The following RTTN variants were observed in gnomAD, a reference collection of about 807,000 sequenced individuals.
RTTN encodes the protein rotatin.
RTTN carries 182 observed loss-of-function variants against 269.2 expected under a neutral mutation model. The observed-to-expected ratio is 0.68, with a 90% CI of 0.60 to 0.76. RTTN has a LOEUF of 0.76. Ranked by LOEUF, RTTN falls within the 30% of genes least tolerant of loss-of-function variation. The probability of loss-of-function intolerance (pLI) is 0.00; values close to 1 mark genes in which losing one functional copy is unlikely to be tolerated. For synonymous variants in RTTN, 1,006 were observed against 963.5 expected, an observed-to-expected ratio of 1.04 and a Z score of -0.82; for missense variants, 2,545 against 2,608.6, an observed-to-expected ratio of 0.98 and a Z score of 0.53.
chr18:70,096,258 G>C (rs559123681), intron 28 of RTTN, among the ~76,000 whole-genome samples: 11 of 152,168 alleles, frequency 7.2e-5, no homozygotes, highest in African/African-American at 1.4e-4. Flanking sequence ...CCTTTAGCTT[G>C]GAGGAGTTTG....
At chr18:70,133,421 C>T (rs2060046131) in intron 23 of RTTN, among the ~76,000 whole-genome samples, 1 of 152,098 alleles carries the variant, frequency 6.6e-6, no homozygotes, top group Non-Finnish European at 1.5e-5. Context: ...CCAACAATGA[C>T]ACGTGTTCAA....
intron 7 of RTTN, among the ~76,000 whole-genome samples, chr18:70,194,961 T>C (rs1489086089): frequency 6.6e-6 from 1 of 152,194 alleles, no homozygotes; most frequent in Non-Finnish European, 1.5e-5. Context: ...TTATACCTAT[T>C]TTACCCCAAT....
chr18:70,169,132 A>AT, intron 11 of RTTN, 65 bp from the exon 12 acceptor site: 1 of 1,146,888 alleles, frequency 8.7e-7, no homozygotes, highest in Non-Finnish European at 1.2e-6. Flanking sequence ...TTAGAGAAAC[A>AT]TAGTGGGCTA....
intron 43 of RTTN, among the ~76,000 whole-genome samples, chr18:70,025,790 C>T (rs1341676092): frequency 6.6e-6 from 1 of 152,206 alleles, no homozygotes; most frequent in Non-Finnish European, 1.5e-5. Flanking sequence ...ATCCATTCAT[C>T]CTTCCTGTCT....
At chr18:70,164,506 A>C (rs1599859398) in intron 14 of RTTN, among the ~76,000 whole-genome samples, 1 of 151,720 alleles carries the variant, frequency 6.6e-6, no homozygotes, top group East Asian at 1.9e-4. Context: ...GAGCCACCAC[A>C]CCTGGCCTAA....
At chr18:70,129,949 T>C (rs926284789) in intron 23 of RTTN, 1 of 138,712 alleles carries the variant, frequency 7.2e-6, no homozygotes, top group Non-Finnish European at 1.6e-5. Flanking sequence ...ATAATAATAA[T>C]CCAATTAAAA....
intron 14 of RTTN, among the ~76,000 whole-genome samples, chr18:70,152,267 T>C (rs1330559320): frequency 1.3e-5 from 2 of 152,138 alleles, no homozygotes; most frequent in African/African-American, 4.8e-5. Context: ...CCAAAGGTAG[T>C]GTGGTGCAAT....
intron 28 of RTTN, among the ~76,000 whole-genome samples, chr18:70,094,775 A>T (rs907005797): frequency 1.1e-4 from 16 of 151,962 alleles, no homozygotes; most frequent in Non-Finnish European, 2.1e-4. Context: ...TTTGGGGTGG[A>T]GAGTTCTGTA....
chr18:70,045,984 T>G (rs998537802), intron 40 of RTTN, among the ~76,000 whole-genome samples: 4 of 152,186 alleles, frequency 2.6e-5, no homozygotes, highest in Non-Finnish European at 5.9e-5. Flanking sequence ...CAAAAGCTTT[T>G]ATAATGAATA....
intron 26 of RTTN, among the ~76,000 whole-genome samples, chr18:70,118,869 T>G (rs1004279096): frequency 6.6e-6 from 1 of 152,214 alleles, no homozygotes; most frequent in South Asian, 2.1e-4. Context: ...GAAAAAGCAT[T>G]TGACAAAATT....
At chr18:70,084,911 CAACAA>C (rs2058663795) in intron 32 of RTTN, among the ~76,000 whole-genome samples, 4 of 152,138 alleles carry the variant, frequency 2.6e-5, no homozygotes, top group Admixed American at 2.6e-4. Context: ...ATGCCACCAG[CAACAA>C]ACAGGAACTT....
At chr18:70,064,204 G>A (rs1425168552) in intron 35 of RTTN, among the ~76,000 whole-genome samples, 11 of 150,760 alleles carry the variant, frequency 7.3e-5, no homozygotes, top group African/African-American at 2.2e-4. Flanking sequence ...CAGGTGTACC[G>A]GCACACCTCT....
In RTTN at chr18:70,081,604, C is replaced by A. The variant is rs77947008; in HGVS notation, c.4374+5009G>T. ...TCAAATCTAAACCTGGGGAAAAGGA[C>A]AAATCTAATTGAAGTATATTACAAC... On this transcript the variant is annotated intron_variant, in intron 32 of 48. Coordinates refer to ENST00000640769, the MANE Select transcript of RTTN (RefSeq NM_173630.4). Among the ~76,000 whole-genome samples, 587 of 152,124 alleles carry A rather than the reference C, an allele frequency of 3.9e-3. 5 individuals are homozygous for A. Among genetic ancestry groups the A allele is most frequent in the African/African-American group, 0.014 (568 of 41,506 alleles).
intron 26 of RTTN, among the ~76,000 whole-genome samples, chr18:70,117,845 A>G (rs181405566): frequency 0.011 from 1,728 of 152,084 alleles, 19 homozygotes; most frequent in Middle Eastern, 0.024. Context: ...TGGAGTATTC[A>G]CATATACATA....
Position 70,016,051 on chromosome 18 carries a change from C to T in RTTN, c.6421+1356G>A, listed in dbSNP as rs375876671. On this transcript the variant is annotated intron_variant, in intron 46 of 48. Coordinates refer to ENST00000640769, the MANE Select transcript of RTTN (RefSeq NM_173630.4). The stretch of plus-strand genomic sequence containing the variant: ...ATGTACATCACGCAGCAACAGAGAA[C>T]GCAGCATCAGCACAGCAGCCACCGG... Among the ~76,000 whole-genome samples, 121 of 152,192 alleles carry T rather than the reference C, an allele frequency of 8.0e-4. 1 individual carries two copies. The highest frequency in any genetic ancestry group is 2.5e-3 in the African/African-American group (104 of 41,516).
Position 70,196,592 on chromosome 18 carries a change from T to C in RTTN, c.750A>G (p.Leu250=), listed in dbSNP as rs1368956889. The change falls in exon 7 of 49, where the codon TTA becomes TTG. Residue 250 remains leucine (L), a synonymous_variant. Transcript: ENST00000640769. ...AFGDGKHRLA[L]QSVSCLQQLC... ...GCTGCTGCAGGCAGGACACCGACTGTAATGCCAGGCGATGCTTTCCATCTC... is the reference window on the plus strand; with the variant it reads ...GCTGCTGCAGGCAGGACACCGACTGCAATGCCAGGCGATGCTTTCCATCTC... 4.5e-6 allele frequency: 7 copies of C among 1,566,292 alleles called. No individual in the cohort carries two copies. Among genetic ancestry groups the C allele is most frequent in the South Asian group, 2.3e-5 (2 of 88,604 alleles).
At chr18:70,179,601 G>A (rs1568523327) in intron 10 of RTTN, among the ~76,000 whole-genome samples, 1 of 151,942 alleles carries the variant, frequency 6.6e-6, no homozygotes, top group Non-Finnish European at 1.5e-5. Context: ...GACGGTGGGG[G>A]AAAAGACCCG....
Position 70,204,226 on chromosome 18 carries a change from GCACCAA to G in RTTN, c.251_256del (p.Val84_Gly85del). 6.2e-7 allele frequency: 1 copy of G among 1,613,144 alleles called. No homozygotes were observed. The highest frequency in any genetic ancestry group is 2.2e-5 in the East Asian group (1 of 44,876). ...CCGAAGCTTAGATAAGAACTCTACT[GCACCAA>G]CGTCAACCAAATGTTGGACTGCTGG... On this transcript the variant is annotated inframe_deletion, in exon 3 of 49. Transcript: ENST00000640769.
intron 18 of RTTN, among the ~76,000 whole-genome samples, chr18:70,142,760 G>T (rs1046126103): frequency 2.0e-5 from 3 of 152,236 alleles, no homozygotes; most frequent in Admixed American, 2.0e-4. Context: ...GAGGTGGGCA[G>T]ATCATCTGAG....
Sources: allele counts gnomAD v4.1 joint callset (sites outside exome capture counted in the v4.1 genomes callset), GRCh38; gene constraint gnomAD v4.1.1; transcripts MANE v1.5; gene names NCBI Gene and HGNC (gene_info 2026-07-23, HGNC 2026-07-21).